The following UBAP2 variants were observed in gnomAD, a reference collection of about 807,000 sequenced individuals.
UBAP2 encodes the protein ubiquitin associated protein 2.
In UBAP2, 75 loss-of-function variants were observed where a neutral mutation model predicts 139.6. The observed-to-expected ratio is 0.54, with a 90% CI of 0.45 to 0.65. UBAP2 has a LOEUF of 0.65. Among genes scored for constraint, UBAP2 ranks in the 30% least tolerant of loss-of-function variants. The pLI is 0.00. For missense variants in UBAP2, 1,368 were observed against 1,369.6 expected (o/e 1.00, Z 0.02); for synonymous variants, 526 against 526.2 (o/e 1.00, Z 0.01).
At chr9:34,020,148 ATT>A (rs1824792652) in intron 1 of UBAP2, among the ~76,000 whole-genome samples, 1 of 121,928 alleles carries the variant, frequency 8.2e-6, no homozygotes, top group African/African-American at 3.1e-5. Flanking sequence ...AGACTCCATT[ATT>A]AAAAAAAAAA....
chr9:34,029,146 C>G (rs1310379662), intron 1 of UBAP2, among the ~76,000 whole-genome samples: 1 of 152,024 alleles, frequency 6.6e-6, no homozygotes, highest in Non-Finnish European at 1.5e-5. Flanking sequence ...TTAACAGTTC[C>G]TAAAGAAATT....
intron 10 of UBAP2, among the ~76,000 whole-genome samples, chr9:33,960,274 AATC>A (rs1049787593): frequency 6.6e-6 from 1 of 152,022 alleles, no homozygotes; most frequent in African/African-American, 2.4e-5. Flanking sequence ...CCAATCTCCC[AATC>A]ATCTTGACAA....
At chr9:33,962,605 C>T (rs1289006868) in intron 9 of UBAP2, among the ~76,000 whole-genome samples, 2 of 151,214 alleles carry the variant, frequency 1.3e-5, no homozygotes, top group Non-Finnish European at 2.9e-5. Flanking sequence ...GAGATCATGC[C>T]ACTGCTCCAG....
chr9:34,043,412 C>G (rs1827268745), intron 1 of UBAP2, among the ~76,000 whole-genome samples: 1 of 152,206 alleles, frequency 6.6e-6, no homozygotes, highest in African/African-American at 2.4e-5. Context: ...AGTGATTCAC[C>G]TGCCTCGGCC....
intron 8 of UBAP2, among the ~76,000 whole-genome samples, chr9:33,969,962 C>T (rs1827792429): frequency 8.8e-6 from 1 of 113,290 alleles, no homozygotes; most frequent in Admixed American, 1.1e-4. Context: ...CAGAGTCCCA[C>T]TCTGTCACCC....
At chr9:33,997,835 A>C (rs1462259513) in intron 3 of UBAP2, 2 of 152,198 alleles carry the variant, frequency 1.3e-5, no homozygotes, top group African/African-American at 4.8e-5. Flanking sequence ...CCAGAGAAAG[A>C]AATCTATGAT....
At chr9:33,952,030 C>T (rs1177383060) in intron 12 of UBAP2, among the ~76,000 whole-genome samples, 1 of 152,230 alleles carries the variant, frequency 6.6e-6, no homozygotes. Context: ...AAGCCCAACA[C>T]ATGATATGGC....
intron 4 of UBAP2, among the ~76,000 whole-genome samples, chr9:33,991,824 A>C (rs1326631082): frequency 6.6e-6 from 1 of 152,212 alleles, no homozygotes; most frequent in Non-Finnish European, 1.5e-5. Context: ...AAATCATCCC[A>C]GAAGAGTTGG....
chr9:33,922,953 C>T lies in UBAP2; in HGVS notation c.3072+13G>A, dbSNP rs746898456. The T allele has an allele frequency of 1.9e-6, 3 of 1,614,144 alleles. No individual in the cohort carries two copies. The highest frequency in any genetic ancestry group is 1.7e-6 in the Non-Finnish European group (2 of 1,180,014). On this transcript the variant is annotated intron_variant, in intron 27 of 28. Coordinates refer to ENST00000379238, the MANE Select transcript of UBAP2 (RefSeq NM_001370062.2). ...TCAAAAACCTATACACCCAACCCAC[C>T]TTTGTCCCTCACCTGTGTCTTATTG... is the stretch of plus-strand genomic sequence containing the variant.
At chr9:33,922,899 T>C in intron 27 of UBAP2, 21 bp from the exon 28 acceptor site, 1 of 1,611,626 alleles carries the variant, frequency 6.2e-7, no homozygotes. Context: ...AAGAAGACAA[T>C]GGTGAAGGTC....
At chr9:34,005,398 G>A (rs1431687578) in intron 2 of UBAP2, among the ~76,000 whole-genome samples, 1 of 134,036 alleles carries the variant, frequency 7.5e-6, no homozygotes, top group Admixed American at 8.6e-5. Flanking sequence ...TCATGCCATT[G>A]CACTCCAGCC....
chr9:33,924,966 T>C (rs1823293733), intron 22 of UBAP2, among the ~76,000 whole-genome samples: 1 of 152,244 alleles, frequency 6.6e-6, no homozygotes, highest in Admixed American at 6.5e-5. Flanking sequence ...AAGACAATTA[T>C]TCTTTCAATG....
chr9:33,989,273 C>T, intron 4 of UBAP2, 147 bp from the exon 5 acceptor site: 1 of 902,322 alleles, frequency 1.1e-6, no homozygotes, highest in Non-Finnish European at 1.5e-6. Flanking sequence ...GCCCTCTCAG[C>T]TCACTGCAAG....
rs568239534 is a variant in UBAP2, at chr9:33,930,081, T to C, written c.2176-2089A>G. Among the ~76,000 whole-genome samples, 47 of 151,924 alleles carry C rather than the reference T, an allele frequency of 3.1e-4. 1 individual carries two copies. The highest frequency in any genetic ancestry group is 1.1e-3 in the African/African-American group (46 of 41,444). ...AAGGAAATCAAATGGTTTTCAAATATATAAAAAAAAGGATGTACAACCTCA... is the reference window on the plus strand; with the variant it reads ...AAGGAAATCAAATGGTTTTCAAATACATAAAAAAAAGGATGTACAACCTCA... On this transcript the variant is annotated intron_variant, in intron 19 of 28. Transcript: ENST00000379238.
chr9:34,039,424 G>T (rs1488707521), intron 1 of UBAP2, among the ~76,000 whole-genome samples: 1 of 152,196 alleles, frequency 6.6e-6, no homozygotes, highest in Non-Finnish European at 1.5e-5. Context: ...GGGGAAATGT[G>T]GGGAAAAGAT....
intron 1 of UBAP2, among the ~76,000 whole-genome samples, chr9:34,018,779 C>T (rs545517576): frequency 3.3e-5 from 5 of 152,194 alleles, no homozygotes; most frequent in African/African-American, 9.6e-5. Context: ...AGGAGAATGG[C>T]GTGAACCCGG....
At chr9:34,016,253 A>G (rs1160574843) in intron 2 of UBAP2, among the ~76,000 whole-genome samples, 4 of 20,776 alleles carry the variant, frequency 1.9e-4, no homozygotes, top group Non-Finnish European at 3.2e-4. Context: ...GAAGAGGAGG[A>G]GGAGGAAGAG....
chr9:33,934,615 C>A (rs1000460362), intron 17 of UBAP2, among the ~76,000 whole-genome samples: 1 of 152,142 alleles, frequency 6.6e-6, no homozygotes, highest in Admixed American at 6.5e-5. Flanking sequence ...CCAAAACATA[C>A]CGCCCTGGGC....
chr9:33,984,509 T>A (rs1297148086), intron 6 of UBAP2, among the ~76,000 whole-genome samples: 79 of 106,824 alleles, frequency 7.4e-4, no homozygotes, highest in Non-Finnish European at 1.1e-3. Flanking sequence ...AAAAAAAAAA[T>A]TTTTTTTTTT....
Sources: allele counts gnomAD v4.1 joint callset (sites outside exome capture counted in the v4.1 genomes callset), GRCh38; gene constraint gnomAD v4.1.1; transcripts MANE v1.5; gene names NCBI Gene and HGNC (gene_info 2026-07-23, HGNC 2026-07-21).